ZMAT4: variants seen among roughly 807,000 people sequenced by gnomAD.
ZMAT4 encodes zinc finger matrin-type 4.
Under a neutral mutation model 28.7 loss-of-function variants are expected in ZMAT4, and 17 were observed. The observed-to-expected ratio is 0.59, with a 90% CI of 0.41 to 0.89. The LOEUF is 0.89. Among genes scored for constraint, ZMAT4 ranks in the 40% least tolerant of loss-of-function variants. ZMAT4 has a pLI of 0.00. For missense variants in ZMAT4, 240 were observed against 283.8 expected (o/e 0.85, Z 1.11); for synonymous variants, 117 against 109.2 (o/e 1.07, Z -0.44).
At position 40,532,209 on chromosome 8, in the gene ZMAT4, G is replaced by A; in HGVS notation, c.*14C>T. ...TGCTAATGTTTTGTTCTTATGTCTT[G>A]ATTGATGCTTTCACTACTTATTCTT... On this transcript the variant is annotated 3_prime_UTR_variant, in exon 7 of 7. Coordinates refer to ENST00000297737, the MANE Select transcript of ZMAT4 (RefSeq NM_024645.3). 6.3e-7 allele frequency: 1 copy of A among 1,597,470 alleles called. No individual in the cohort carries two copies. The highest frequency in any genetic ancestry group is 8.5e-7 in the Non-Finnish European group (1 of 1,171,798).
intron 4 of ZMAT4, among the ~76,000 whole-genome samples, chr8:40,693,903 C>T (rs2150490829): frequency 6.6e-6 from 1 of 152,304 alleles, no homozygotes; most frequent in Non-Finnish European, 1.5e-5. Flanking sequence ...TCACCCTCAT[C>T]AGACGAAGTA....
chr8:40,894,018 T>A (rs1462938544), intron 1 of ZMAT4, among the ~76,000 whole-genome samples: 1 of 152,242 alleles, frequency 6.6e-6, no homozygotes, highest in African/African-American at 2.4e-5. Flanking sequence ...TTTCCAACTA[T>A]TAACAGATTT....
intron 3 of ZMAT4, among the ~76,000 whole-genome samples, chr8:40,738,584 C>T (rs868341562): frequency 2.0e-5 from 3 of 152,310 alleles, no homozygotes; most frequent in Middle Eastern, 6.8e-3. Flanking sequence ...TAGGAATGTG[C>T]TAACACTGCC....
chr8:40,740,992 G>GCACA lies in ZMAT4; in HGVS notation c.192+26645_192+26648dup, dbSNP rs5891118. Reference sequence around the variant, plus strand: ...AACAGCACTAACCTTTGATAAATGCGCACACACACACACACACACACACAC... The same window carrying GCACA: ...AACAGCACTAACCTTTGATAAATGCGCACACACACACACACACACACACACACAC... On this transcript the variant is annotated intron_variant, in intron 3 of 6. Coordinates refer to ENST00000297737, the MANE Select transcript of ZMAT4 (RefSeq NM_024645.3). Among the ~76,000 whole-genome samples, 387 of 148,588 alleles carry GCACA rather than the reference G, an allele frequency of 2.6e-3. 1 individual carries two copies. The highest frequency in any genetic ancestry group is 6.8e-3 in the African/African-American group (274 of 40,390).
intron 1 of ZMAT4, among the ~76,000 whole-genome samples, chr8:40,877,780 G>C (rs1254536167): frequency 6.6e-6 from 1 of 152,110 alleles, no homozygotes; most frequent in African/African-American, 2.4e-5. Flanking sequence ...CTTTCAGTGG[G>C]TGGCAGAGAA....
chr8:40,832,290 ACT>A (rs1393464462), intron 1 of ZMAT4, among the ~76,000 whole-genome samples: 2 of 151,810 alleles, frequency 1.3e-5, no homozygotes, highest in African/African-American at 2.4e-5. Flanking sequence ...CAGTGCTCAG[ACT>A]CTCTTTTCTG....
At chr8:40,879,814 G>A (rs567748581) in intron 1 of ZMAT4, among the ~76,000 whole-genome samples, 1 of 152,180 alleles carries the variant, frequency 6.6e-6, no homozygotes, top group African/African-American at 2.4e-5. Context: ...CCATTAGCCA[G>A]TTTGAAGATA....
chr8:40,813,828 G>T (rs559374797), intron 2 of ZMAT4, among the ~76,000 whole-genome samples: 1 of 152,226 alleles, frequency 6.6e-6, no homozygotes, highest in Non-Finnish European at 1.5e-5. Flanking sequence ...TTGGGGAATG[G>T]CATAGCCAGG....
chr8:40,858,145 A>G (rs1440725411), intron 1 of ZMAT4, among the ~76,000 whole-genome samples: 5 of 152,166 alleles, frequency 3.3e-5, no homozygotes, highest in Non-Finnish European at 7.4e-5. Flanking sequence ...ATGCTTTAAA[A>G]TAGACCTCAA....
At position 40,606,433 on chromosome 8, in the gene ZMAT4, A is replaced by G. The variant is rs142782371; in HGVS notation, c.578-25172T>C. On this transcript the variant is annotated intron_variant, in intron 5 of 6. Transcript: ENST00000297737. ...AAAAAAATGTATCTCCTCTTCATTTATGAAGCTTAGTTTCACTGGATATAA... is the reference window on the plus strand; with the variant it reads ...AAAAAAATGTATCTCCTCTTCATTTGTGAAGCTTAGTTTCACTGGATATAA... Among the ~76,000 whole-genome samples, 28 of 152,322 alleles carry G rather than the reference A, an allele frequency of 1.8e-4. No individual in the cohort carries two copies. In the East Asian group the frequency reaches 5.4e-3, roughly 29 times the overall value.
chr8:40,707,039 C>T (rs1230986124), intron 3 of ZMAT4, among the ~76,000 whole-genome samples: 1 of 152,138 alleles, frequency 6.6e-6, no homozygotes, highest in African/African-American at 2.4e-5. Flanking sequence ...CCTCCAGCTA[C>T]GTTAAGGATA....
intron 5 of ZMAT4, among the ~76,000 whole-genome samples, chr8:40,671,773 G>A (rs1808679522): frequency 6.6e-6 from 1 of 152,112 alleles, no homozygotes; most frequent in African/African-American, 2.4e-5. Context: ...ACTGTAACAT[G>A]TAATATCTCT....
At chr8:40,618,635 T>C (rs1806096035) in intron 5 of ZMAT4, among the ~76,000 whole-genome samples, 1 of 149,116 alleles carries the variant, frequency 6.7e-6, no homozygotes, top group Admixed American at 6.7e-5. Context: ...TTTTATACAG[T>C]ATACTACAGT....
At chr8:40,767,397 T>A (rs1468687781) in intron 3 of ZMAT4, among the ~76,000 whole-genome samples, 1 of 152,178 alleles carries the variant, frequency 6.6e-6, no homozygotes, top group Non-Finnish European at 1.5e-5. Flanking sequence ...CCTCTGTGTA[T>A]TCTCACTGTT....
At chr8:40,761,282 T>C (rs558107663) in intron 3 of ZMAT4, among the ~76,000 whole-genome samples, 1 of 152,034 alleles carries the variant, frequency 6.6e-6, no homozygotes, top group Admixed American at 6.6e-5. Flanking sequence ...AAACAACATA[T>C]GTATTGCTAA....
chr8:40,815,886 A>G (rs1815512962), intron 2 of ZMAT4, among the ~76,000 whole-genome samples: 1 of 152,202 alleles, frequency 6.6e-6, no homozygotes. Context: ...AATGGGCATC[A>G]GCTTCACGGC....
intron 1 of ZMAT4, among the ~76,000 whole-genome samples, chr8:40,852,274 CT>C (rs1352293354): frequency 6.6e-6 from 1 of 152,106 alleles, no homozygotes; most frequent in African/African-American, 2.4e-5. Flanking sequence ...ATGATATTAA[CT>C]TTTGTTGAGC....
intron 5 of ZMAT4, among the ~76,000 whole-genome samples, chr8:40,642,484 T>C (rs530661095): frequency 3.9e-5 from 6 of 152,220 alleles, no homozygotes; most frequent in African/African-American, 1.4e-4. Flanking sequence ...CATTTGGCTG[T>C]CCCAGTTTTC....
intron 5 of ZMAT4, among the ~76,000 whole-genome samples, chr8:40,648,976 A>G (rs1807491675): frequency 6.9e-6 from 1 of 145,182 alleles, no homozygotes; most frequent in Non-Finnish European, 1.5e-5. Flanking sequence ...AATCATGCCA[A>G]AATGTAAAGA....
Sources: gnomAD v4.1 joint callset for allele counts (sites outside exome capture counted in the v4.1 genomes callset) on GRCh38, gnomAD v4.1.1 for gene constraint, MANE v1.5 for transcripts, NCBI Gene and HGNC (gene_info 2026-07-23, HGNC 2026-07-21) for gene names.